PRDX1: variants seen among roughly 807,000 people sequenced by gnomAD.
PRDX1 encodes the protein peroxiredoxin-1.
PRDX1 carries 19 observed loss-of-function variants against 20.7 expected under a neutral mutation model. That is an observed-to-expected ratio of 0.92 (90% CI 0.64 to 1.35). PRDX1 has a LOEUF of 1.35. Ranked by LOEUF, PRDX1 falls within the 40% of genes most tolerant of loss-of-function variation. The pLI, the probability that PRDX1 is intolerant of heterozygous loss-of-function variation, is 0.00. For synonymous variants in PRDX1, 89 were observed against 83.9 expected (o/e 1.06, Z -0.33); for missense variants, 226 against 240.0 (o/e 0.94, Z 0.38).
intron 5 of PRDX1, chr1:45,512,877 G>C (rs1166445020): frequency 1.3e-5 from 2 of 152,182 alleles, no homozygotes; most frequent in African/African-American, 4.8e-5. Context: ...AGTGCTCACT[G>C]ATCCCTATAT....
intron 4 of PRDX1, 68 bp downstream of exon 4, chr1:45,514,805 G>A: frequency 6.2e-7 from 1 of 1,601,526 alleles, no homozygotes; most frequent in Non-Finnish European, 8.5e-7. Context: ...AGTCTCTACA[G>A]ATCAGGGCTC....
Position 45,511,273 on chromosome 1 carries a change from A to C in PRDX1, c.*56T>G. The C allele has an allele frequency of 7.2e-7, 1 of 1,380,766 alleles. No individual in the cohort carries two copies. The allele number at this position is 1,380,766 out of a possible 1,614,324, so 85.5% of individuals were successfully genotyped here. On this transcript the variant is annotated 3_prime_UTR_variant, in exon 6 of 6. Transcript: ENST00000319248. ...TACTAATGGAAAAAAAAAATACAGA[A>C]GAGGTTTTGTTCTCATGGCTGCCCA...
At chr1:45,520,488 C>T (rs1010953052) in intron 1 of PRDX1, among the ~76,000 whole-genome samples, 1 of 151,688 alleles carries the variant, frequency 6.6e-6, no homozygotes, top group Non-Finnish European at 1.5e-5. Context: ...TTTGGGAGGC[C>T]GAGGCAGGCA....
chr1:45,519,786 C>T (rs6664588), intron 1 of PRDX1, among the ~76,000 whole-genome samples: 3 of 152,034 alleles, frequency 2.0e-5, no homozygotes, highest in Admixed American at 6.6e-5. Context: ...CTATTAGAGA[C>T]GGGATTTCTC....
intron 3 of PRDX1, 140 bp from the exon 4 acceptor site, chr1:45,515,135 C>T: frequency 1.6e-6 from 2 of 1,244,068 alleles, no homozygotes; most frequent in Non-Finnish European, 2.2e-6. Flanking sequence ...AAAGTGAATG[C>T]TGAGAACAGT....
chr1:45,520,944 C>CT (rs1481803356), intron 1 of PRDX1, among the ~76,000 whole-genome samples: 1 of 152,136 alleles, frequency 6.6e-6, no homozygotes. Context: ...GGTCTGAAAG[C>CT]TTTTCCAAGT....
intron 3 of PRDX1, 116 bp downstream of exon 3, chr1:45,515,538 G>T: frequency 9.3e-7 from 1 of 1,072,320 alleles, no homozygotes; most frequent in Non-Finnish European, 1.3e-6. Flanking sequence ...GGCAGAGCTT[G>T]AAGTGAGCGG....
chr1:45,515,174 T>C (rs1643835669), intron 3 of PRDX1, among the ~76,000 whole-genome samples, 179 bp from the exon 4 acceptor site: 1 of 152,288 alleles, frequency 6.6e-6, no homozygotes, highest in Middle Eastern at 3.4e-3. Flanking sequence ...TACACTCAAC[T>C]GCAATTGAAG....
intron 2 of PRDX1, 88 bp downstream of exon 2, chr1:45,518,850 A>G: frequency 8.5e-7 from 1 of 1,172,302 alleles, no homozygotes; most frequent in Non-Finnish European, 1.2e-6. Flanking sequence ...AACATTTTAC[A>G]GTCAAACAAC....
intron 1 of PRDX1, 66 bp from the exon 2 acceptor site, chr1:45,519,120 A>C (rs1268682545): frequency 1.4e-5 from 15 of 1,054,204 alleles, no homozygotes; most frequent in Non-Finnish European, 2.1e-5. Context: ...GCCTTCACCT[A>C]CTTAAAGAGA....
At chr1:45,515,130 G>T in intron 3 of PRDX1, 135 bp from the exon 4 acceptor site, 4 of 1,264,928 alleles carry the variant, frequency 3.2e-6, no homozygotes, top group Non-Finnish European at 4.4e-6. Context: ...GCAATAAAGT[G>T]AATGCTGAGA....
In PRDX1 at chr1:45,511,179, T is replaced by C. The variant is rs113518520; in HGVS notation, c.*150A>G. On this transcript the variant is annotated 3_prime_UTR_variant, in exon 6 of 6. Coordinates refer to ENST00000319248, the MANE Select transcript of PRDX1 (RefSeq NM_181697.3). ...TACCAAAGGAAGAAAGGCTGGTCTC[T>C]CCACCCCCTGTAGGAAAGGCCTGCC... 8 of 669,014 alleles carry C rather than the reference T, an allele frequency of 1.2e-5. No homozygotes were observed. The African/African-American group carries it at 1.5e-4, about 12-fold the overall frequency. 41.4% of individuals were successfully genotyped at this position (669,014 alleles called of 1,614,324 possible). A position where few individuals can be genotyped will look rare whatever the true frequency, so the allele number is the denominator to read the frequency against.
At chr1:45,511,538 T>TCTTA (rs1307316425) in intron 5 of PRDX1, 124 bp from the exon 6 acceptor site, 1 of 633,114 alleles carries the variant, frequency 1.6e-6, no homozygotes, top group African/African-American at 1.9e-5. Context: ...CTGCAATCAG[T>TCTTA]CTTAGATCAT....
At chr1:45,516,788 G>A (rs777575773) in intron 2 of PRDX1, among the ~76,000 whole-genome samples, 203 of 152,144 alleles carry the variant, frequency 1.3e-3, no homozygotes, top group Admixed American at 1.6e-3. Context: ...TTGGGAGGCC[G>A]AGGCGGGTGG....
Position 45,511,083 on chromosome 1 carries a change from A to T in PRDX1, c.*246T>A. 2.8e-6 allele frequency: 1 copy of T among 353,028 alleles called. No individual in the cohort carries two copies. The highest frequency in any genetic ancestry group is 5.1e-6 in the Non-Finnish European group (1 of 196,990). 21.9% of individuals were successfully genotyped at this position (353,028 alleles called of 1,614,324 possible). A position where few individuals can be genotyped will look rare whatever the true frequency, so the allele number is the denominator to read the frequency against. ...TCAAGTTTAATACAAACTACAAAAG[A>T]TTAATGGGTTGCTCTACTAATACAT... On this transcript the variant is annotated 3_prime_UTR_variant, in exon 6 of 6. Coordinates refer to ENST00000319248, the MANE Select transcript of PRDX1 (RefSeq NM_181697.3).
At chr1:45,511,505 C>T in intron 5 of PRDX1, 91 bp from the exon 6 acceptor site, 1 of 1,023,844 alleles carries the variant, frequency 9.8e-7, no homozygotes. Context: ...CACCTGAACA[C>T]TCAGATACCA....
At position 45,515,732 on chromosome 1, in the gene PRDX1, T is replaced by C; in HGVS notation, c.182A>G (p.Asp61Gly). 2 of 1,605,858 alleles carry C rather than the reference T, an allele frequency of 1.2e-6. No homozygotes were observed. The highest frequency in any genetic ancestry group is 1.7e-6 in the Non-Finnish European group (2 of 1,177,564). ...GAGTTTCTTAAATTCTTCTGCCCTA[T>C]CACTGAAAGCAATGATCTCCGTGGG... ...VCPTEIIAFS[D>G]RAEEFKKLNC... Residue 61 changes from aspartate (D) to glycine (G), a missense_variant, in exon 3 of 6, where the codon GAT becomes GGT. Asp to Gly is a moderately conservative substitution (Grantham distance 94). Coordinates refer to ENST00000319248, the MANE Select transcript of PRDX1 (RefSeq NM_181697.3).
At chr1:45,515,852 C>T (rs1643853891) in intron 2 of PRDX1, 45 bp from the exon 3 acceptor site, 5 of 1,492,536 alleles carry the variant, frequency 3.4e-6, no homozygotes, top group Non-Finnish European at 4.5e-6. Flanking sequence ...ACACAGACTT[C>T]CTTGCTTTAT....
Position 45,515,598 on chromosome 1 carries a change from CAAAAAAAA to C in PRDX1, c.260+48_260+55del, listed in dbSNP as rs67528538. The stretch of plus-strand genomic sequence containing the variant: ...TGGGCGACAAAGCAAGACTCCATCT[CAAAAAAAA>C]AAAAAAAAAAAAAAAAGTTCACATG... On this transcript the variant is annotated intron_variant, in intron 3 of 5. Coordinates refer to ENST00000319248, the MANE Select transcript of PRDX1 (RefSeq NM_181697.3). 1.2e-4 allele frequency: 108 copies of C among 908,474 alleles called. No individual in the cohort carries two copies. In the Middle Eastern group the frequency reaches 1.8e-3, roughly 15 times the overall value. 56.3% of individuals were successfully genotyped at this position (908,474 alleles called of 1,614,324 possible).
Sources: gnomAD v4.1 joint callset for allele counts (sites outside exome capture counted in the v4.1 genomes callset) on GRCh38, gnomAD v4.1.1 for gene constraint, MANE v1.5 for transcripts, NCBI Gene and HGNC (gene_info 2026-07-23, HGNC 2026-07-21) for gene names.